The following CACNA1A variants were observed in gnomAD, a reference collection of about 807,000 sequenced individuals.
The protein encoded by CACNA1A is voltage-dependent P/Q-type calcium channel subunit alpha-1A.
Under a neutral mutation model 262.4 loss-of-function variants are expected in CACNA1A, and 57 were observed. The ratio of observed to expected loss-of-function variants is 0.22; its 90% CI spans 0.18 to 0.27. CACNA1A has a LOEUF of 0.27. CACNA1A is among the 10% of genes least tolerant of loss of function. CACNA1A has a pLI of 1.00. For synonymous variants in CACNA1A, 1,431 were observed against 1,419.3 expected (o/e 1.01, Z -0.18); for missense variants, 2,526 against 3,562.8 (o/e 0.71, Z 7.41).
At chr19:13,486,340 C>T (rs547527260) in intron 1 of CACNA1A, among the ~76,000 whole-genome samples, 20 of 152,068 alleles carry the variant, frequency 1.3e-4, no homozygotes, top group Middle Eastern at 3.4e-3. Flanking sequence ...CATCTATGTT[C>T]CTACACTGCT....
intron 3 of CACNA1A, among the ~76,000 whole-genome samples, chr19:13,384,080 T>C (rs2059567194): frequency 6.6e-6 from 1 of 152,204 alleles, no homozygotes; most frequent in African/African-American, 2.4e-5. Context: ...GGTCTCTTAG[T>C]GTTTGGATGA....
intron 19 of CACNA1A, among the ~76,000 whole-genome samples, chr19:13,289,704 G>A (rs958732474): frequency 3.3e-5 from 5 of 152,066 alleles, no homozygotes; most frequent in Non-Finnish European, 5.9e-5. Context: ...TGAGCTGAGA[G>A]TCACCGAGGA....
intron 38 of CACNA1A, among the ~76,000 whole-genome samples, chr19:13,222,760 T>C (rs542634408): frequency 2.0e-5 from 3 of 150,252 alleles, no homozygotes; most frequent in South Asian, 4.2e-4. Flanking sequence ...AGTGGCGCGA[T>C]CTTGGCTCAC....
At chr19:13,449,125 C>G (rs1266983097) in intron 3 of CACNA1A, among the ~76,000 whole-genome samples, 1 of 151,820 alleles carries the variant, frequency 6.6e-6, no homozygotes, top group East Asian at 1.9e-4. Flanking sequence ...CGTCATCATG[C>G]CTGGCTAATT....
At chr19:13,484,938 A>G (rs1979795767) in intron 1 of CACNA1A, among the ~76,000 whole-genome samples, 1 of 152,228 alleles carries the variant, frequency 6.6e-6, no homozygotes, top group African/African-American at 2.4e-5. Context: ...ATAAGTAGTA[A>G]TAACTATTTA....
chr19:13,320,235 A>G (rs1377721609), intron 10 of CACNA1A, among the ~76,000 whole-genome samples: 2 of 133,872 alleles, frequency 1.5e-5, no homozygotes, highest in South Asian at 5.0e-4. Flanking sequence ...TGTTCCACAG[A>G]TCGAGAGAGA....
rs142385110 is a variant in CACNA1A at position 13,325,363 on chromosome 19, C to T, written c.1345+4881G>A. On this transcript the variant is annotated intron_variant, in intron 10 of 46. Coordinates refer to ENST00000360228, the MANE Select transcript of CACNA1A (RefSeq NM_001127222.2). ...AGTATTAGCTGGGCACTGTGGCATG[C>T]GCCTGTAGCCTCAAATGATCCTCTC... 5.3e-3 allele frequency among the ~76,000 whole-genome samples: 803 copies of T among 152,134 alleles called. 6 individuals carry two copies. Among genetic ancestry groups the T allele is most frequent in the Non-Finnish European group, 8.5e-3 (578 of 67,984 alleles).
At chr19:13,283,543 G>T in intron 21 of CACNA1A, 147 bp from the exon 22 acceptor site, 1 of 1,029,318 alleles carries the variant, frequency 9.7e-7, no homozygotes, top group East Asian at 2.7e-5. Flanking sequence ...TCCTCCAGGT[G>T]GGGGCCCTCT....
intron 11 of CACNA1A, among the ~76,000 whole-genome samples, chr19:13,313,262 G>A (rs2058067271): frequency 6.6e-6 from 1 of 152,098 alleles, no homozygotes; most frequent in Admixed American, 6.5e-5. Flanking sequence ...AGCACTTTGG[G>A]AGGCCTAGGC....
chr19:13,497,482 C>A (rs1200177455), intron 1 of CACNA1A, among the ~76,000 whole-genome samples: 1 of 30,018 alleles, frequency 3.3e-5, no homozygotes, highest in Non-Finnish European at 5.9e-5. Context: ...GAATGAAACT[C>A]CATCTCAAAA....
intron 11 of CACNA1A, 56 bp from the exon 12 acceptor site, chr19:13,312,837 T>C: frequency 7.1e-6 from 6 of 844,090 alleles, no homozygotes; most frequent in Non-Finnish European, 9.3e-6. Context: ...GGGTAGGGGT[T>C]CCAGGTGGCT....
chr19:13,217,451 C>T lies in CACNA1A; in HGVS notation c.5732-2843G>A, dbSNP rs77704277. On this transcript the variant is annotated intron_variant, in intron 38 of 46. Coordinates refer to ENST00000360228, the MANE Select transcript of CACNA1A (RefSeq NM_001127222.2). ...AAGCGCGTTATGTTCTCCTGAGACC[C>T]GCATCTGCTCAAAGGGCTGCCACTG... is the stretch of plus-strand genomic sequence containing the variant. Among the ~76,000 whole-genome samples, 881 of 152,228 alleles carry T rather than the reference C, an allele frequency of 5.8e-3. 11 individuals carry two copies. The highest frequency in any genetic ancestry group is 0.02 in the African/African-American group (838 of 41,520).
chr19:13,352,141 G>C (rs1428635992), intron 6 of CACNA1A, among the ~76,000 whole-genome samples: 1 of 152,098 alleles, frequency 6.6e-6, no homozygotes, highest in Non-Finnish European at 1.5e-5. Context: ...AGCAAGACAA[G>C]TTTAATTGGC....
chr19:13,313,498 TAAAAAAAAAA>T (rs1007419624), intron 11 of CACNA1A, among the ~76,000 whole-genome samples: 2 of 65,710 alleles, frequency 3.0e-5, no homozygotes, highest in African/African-American at 1.3e-4. Flanking sequence ...AGACCTTGTC[TAAAAAAAAAA>T]AAAAAAAAAA....
intron 29 of CACNA1A, among the ~76,000 whole-genome samples, chr19:13,253,827 C>A (rs193093723): frequency 6.6e-6 from 1 of 152,062 alleles, no homozygotes. Context: ...GCAACTTCCG[C>A]CCCCTGGGTT....
chr19:13,392,866 T>A (rs2059733175), intron 3 of CACNA1A, among the ~76,000 whole-genome samples: 1 of 152,104 alleles, frequency 6.6e-6, no homozygotes, highest in African/African-American at 2.4e-5. Flanking sequence ...CCTGCCTCAG[T>A]TTCCTGAGTA....
intron 1 of CACNA1A, among the ~76,000 whole-genome samples, chr19:13,476,372 C>A (rs1978540384): frequency 6.6e-6 from 1 of 152,180 alleles, no homozygotes; most frequent in Non-Finnish European, 1.5e-5. Flanking sequence ...AGCAGGGATT[C>A]TGGAAGGACT....
rs59575263 is a variant in CACNA1A at position 13,466,877 on chromosome 19, A to ATTATTTATTTATTTATTTATTTAT, written c.294-11689_294-11666dup. Among the ~76,000 whole-genome samples the ATTATTTATTTATTTATTTATTTAT allele has an allele frequency of 9.7e-4, 138 of 142,586 alleles. 4 individuals are homozygous for ATTATTTATTTATTTATTTATTTAT. The highest frequency in any genetic ancestry group is 1.2e-3 in the Admixed American group (17 of 14,300). 93.5% of individuals were successfully genotyped at this position (142,586 alleles called of 152,430 possible). On this transcript the variant is annotated intron_variant, in intron 1 of 46. Transcript: ENST00000360228. ...CCTTCCCTCTCTCTTTTAAATTTCC[A>ATTATTTATTTATTTATTTATTTAT]TTATTTATTTATTTATTTATTTATT...
intron 4 of CACNA1A, among the ~76,000 whole-genome samples, chr19:13,369,285 A>G (rs992164005): frequency 1.2e-4 from 18 of 152,256 alleles, no homozygotes; most frequent in African/African-American, 4.3e-4. Flanking sequence ...TCCCATCCAC[A>G]GTGACTGACT....
Sources: allele counts gnomAD v4.1 joint callset (sites outside exome capture counted in the v4.1 genomes callset), GRCh38; gene constraint gnomAD v4.1.1; transcripts MANE v1.5; gene names NCBI Gene and HGNC (gene_info 2026-07-23, HGNC 2026-07-21).